DNAH8: variants seen among roughly 807,000 people sequenced by gnomAD.
DNAH8 encodes the protein dynein axonemal heavy chain 8.
Under a neutral mutation model 562.1 loss-of-function variants are expected in DNAH8, and 382 were observed. The observed-to-expected ratio is 0.68, with a 90% CI of 0.63 to 0.74. The LOEUF (loss-of-function observed/expected upper bound fraction) is 0.74, where lower values mean the gene tolerates loss of function less well. DNAH8 is among the 30% of genes least tolerant of loss of function. The pLI is 0.00. For synonymous variants in DNAH8, 1,881 were observed against 1,919.4 expected (o/e 0.98, Z 0.52); for missense variants, 5,203 against 5,620.4 (o/e 0.93, Z 2.37).
rs1163092867 is a variant in DNAH8 at position 38,848,803 on chromosome 6, T to A, written c.5199+2T>A. 3 of 1,612,702 alleles carry A rather than the reference T, an allele frequency of 1.9e-6. No individual in the cohort carries two copies. Among genetic ancestry groups the A allele is most frequent in the Non-Finnish European group, 2.5e-6 (3 of 1,179,120 alleles). ...GATATTGCCAAACAGCTGCCTCAGG[T>A]AAATATGGCTTTTGTAATTACTGAT... On this transcript the variant is annotated splice_donor_variant, in intron 37 of 92. Coordinates refer to ENST00000327475, the MANE Select transcript of DNAH8 (RefSeq NM_001206927.2). LOFTEE classifies it high-confidence loss of function.
At chr6:38,902,060 T>C (rs1423922736) in intron 62 of DNAH8, among the ~76,000 whole-genome samples, 1 of 152,212 alleles carries the variant, frequency 6.6e-6, no homozygotes, top group Non-Finnish European at 1.5e-5. Flanking sequence ...GTCTGATTCC[T>C]GTAGGCATCT....
chr6:38,723,400 T>C lies in DNAH8; in HGVS notation c.454T>C (p.Phe152Leu). 1 of 1,612,498 alleles carries C rather than the reference T, an allele frequency of 6.2e-7. No homozygotes were observed. Among genetic ancestry groups the C allele is most frequent in the South Asian group, 1.1e-5 (1 of 90,872 alleles). Reference sequence around the variant, plus strand: ...AATTGACCCTTCATACAAATATATATTTGAAATTCTAGCAGAAAATCTTGG... The same window carrying C: ...AATTGACCCTTCATACAAATATATACTTGAAATTCTAGCAGAAAATCTTGG... ...LKIDPSYKYI[F>L]EILAENLGLD... Residue 152 changes from phenylalanine to leucine, a missense_variant, in exon 3 of 93, where the codon TTT becomes CTT. This residue lies in a region of DNAH8 where 556 missense variants were observed against 496.9 expected (regional missense o/e 1.12). Coordinates refer to ENST00000327475, the MANE Select transcript of DNAH8 (RefSeq NM_001206927.2).
At chr6:38,983,614 T>C (rs1011659726) in intron 86 of DNAH8, among the ~76,000 whole-genome samples, 1 of 152,168 alleles carries the variant, frequency 6.6e-6, no homozygotes, top group Admixed American at 6.5e-5. Context: ...GTAACTCAAA[T>C]GTATCAAGGG....
At chr6:38,854,764 G>A (rs1199020792) in intron 41 of DNAH8, among the ~76,000 whole-genome samples, 2 of 151,638 alleles carry the variant, frequency 1.3e-5, no homozygotes, top group African/African-American at 4.8e-5. Context: ...TCCAAACAGT[G>A]GTGAAGTTGA....
intron 53 of DNAH8, among the ~76,000 whole-genome samples, chr6:38,878,380 G>T (rs762521257): frequency 6.6e-6 from 1 of 152,032 alleles, no homozygotes; most frequent in Non-Finnish European, 1.5e-5. Context: ...AAGAAGAAAG[G>T]TCTCAAAACA....
At chr6:38,912,457 C>G (rs1355777901) in intron 66 of DNAH8, among the ~76,000 whole-genome samples, 1 of 152,032 alleles carries the variant, frequency 6.6e-6, no homozygotes, top group Non-Finnish European at 1.5e-5. Context: ...AGAGTGGGAC[C>G]CTGTCTCAAG....
intron 53 of DNAH8, among the ~76,000 whole-genome samples, chr6:38,879,184 A>C (rs1377124775): frequency 6.6e-6 from 1 of 152,158 alleles, no homozygotes; most frequent in African/African-American, 2.4e-5. Context: ...CCAACTGTAC[A>C]CAAACTCTTC....
intron 60 of DNAH8, among the ~76,000 whole-genome samples, chr6:38,897,120 C>T (rs1342694791): frequency 6.6e-6 from 1 of 152,208 alleles, no homozygotes; most frequent in Non-Finnish European, 1.5e-5. Context: ...CCCATCTCGG[C>T]CTCCCAAATT....
intron 87 of DNAH8, among the ~76,000 whole-genome samples, chr6:38,988,343 G>A (rs960032585): frequency 1.3e-5 from 2 of 152,114 alleles, no homozygotes; most frequent in African/African-American, 4.8e-5. Flanking sequence ...ATAAAGTGCT[G>A]GGAAAATAGT....
Position 38,737,801 on chromosome 6 carries a change from C to G in DNAH8, c.953-8C>G. On this transcript the variant is annotated splice_polypyrimidine_tract_variant and splice_region_variant and intron_variant, in intron 6 of 92. Transcript: ENST00000327475. ...ATTAGTATTAAATGTCTTTTTTTTCCTTTTTAGGTGCTAGAATAAGTATTG... is the reference window on the plus strand; with the variant it reads ...ATTAGTATTAAATGTCTTTTTTTTCGTTTTTAGGTGCTAGAATAAGTATTG... The G allele has an allele frequency of 7.1e-7, 1 of 1,407,690 alleles. No individual in the cohort carries two copies. Among genetic ancestry groups the G allele is most frequent in the East Asian group, 2.7e-5 (1 of 36,462 alleles). 87.2% of individuals were successfully genotyped at this position (1,407,690 alleles called of 1,614,324 possible). A position where few individuals can be genotyped will look rare whatever the true frequency, so the allele number is the denominator to read the frequency against.
chr6:38,944,230 C>T (rs1783672586), intron 79 of DNAH8, among the ~76,000 whole-genome samples: 1 of 152,186 alleles, frequency 6.6e-6, no homozygotes, highest in Admixed American at 6.5e-5. Flanking sequence ...CCTGCTCTGT[C>T]TCCAGGTTGC....
chr6:38,862,557 A>C, intron 44 of DNAH8, 99 bp downstream of exon 44: 1 of 1,362,012 alleles, frequency 7.3e-7, no homozygotes, highest in Non-Finnish European at 1.0e-6. Flanking sequence ...GATCTCATAT[A>C]ATCTACATTA....
intron 12 of DNAH8, among the ~76,000 whole-genome samples, chr6:38,773,066 C>T (rs928587771): frequency 2.7e-5 from 4 of 146,650 alleles, no homozygotes; most frequent in African/African-American, 1.0e-4. Context: ...GTCCTCCTTC[C>T]TCAGCCTCCC....
At chr6:38,981,141 A>G (rs918075456) in intron 85 of DNAH8, among the ~76,000 whole-genome samples, 4 of 151,990 alleles carry the variant, frequency 2.6e-5, no homozygotes, top group African/African-American at 4.8e-5. Flanking sequence ...ACATTCCCAT[A>G]GATGTATAGG....
chr6:38,769,759 G>A (rs115735481), intron 11 of DNAH8, among the ~76,000 whole-genome samples: 104 of 152,328 alleles, frequency 6.8e-4, no homozygotes, highest in African/African-American at 2.4e-3. Context: ...GTGGGCAAGA[G>A]GAGGCAGAAG....
At chr6:38,735,617 C>T (rs1250918014) in intron 5 of DNAH8, among the ~76,000 whole-genome samples, 1 of 152,120 alleles carries the variant, frequency 6.6e-6, no homozygotes, top group Non-Finnish European at 1.5e-5. Flanking sequence ...TCAACTTATC[C>T]ATGATTTCAT....
chr6:39,008,904 G>T lies in DNAH8; in HGVS notation c.13305G>T (p.Glu4435Asp), dbSNP rs181050326. 1.3e-5 allele frequency: 21 copies of T among 1,608,684 alleles called. No individual in the cohort carries two copies. The East Asian group carries it at 1.3e-4, about 10-fold the overall frequency. The change falls in exon 89 of 93, where the codon GAG becomes GAT. Residue 4435 changes from glutamate (E) to aspartate (D), a missense_variant. By Grantham distance (45) the Glu-to-Asp change is conservative. Coordinates refer to ENST00000327475, the MANE Select transcript of DNAH8 (RefSeq NM_001206927.2). ...GAGGTGGTGTGGGAGAGACCCGGGA[G>T]GCTATTGTTTATAGATTATCTGAAG... ...ESGGGVGETREAIVYRLSEDM... is the reference protein window; with the variant it reads ...ESGGGVGETRDAIVYRLSEDM...
At chr6:38,717,441 A>T (rs572825223) in intron 1 of DNAH8, among the ~76,000 whole-genome samples, 2 of 152,092 alleles carry the variant, frequency 1.3e-5, no homozygotes, top group East Asian at 3.9e-4. Context: ...TTCCCTCCTC[A>T]GCCCTCGAAG....
chr6:38,782,386 T>A (rs1221301705), intron 16 of DNAH8, among the ~76,000 whole-genome samples: 2 of 152,258 alleles, frequency 1.3e-5, no homozygotes, highest in Non-Finnish European at 2.9e-5. Context: ...GTTCAAGCAA[T>A]TCTCCTGCCT....
Sources: gnomAD v4.1 joint callset for allele counts (sites outside exome capture counted in the v4.1 genomes callset) on GRCh38, gnomAD v4.1.1 for gene constraint, gnomAD v4.1.1 regional missense constraint, MANE v1.5 for transcripts, NCBI Gene and HGNC (gene_info 2026-07-23, HGNC 2026-07-21) for gene names.